ZFHX3: variants seen among roughly 807,000 people sequenced by gnomAD.
ZFHX3 encodes zinc finger homeobox 3, also known as zinc finger homeobox protein 3.
Under a neutral mutation model 279.1 loss-of-function variants are expected in ZFHX3, and 42 were observed. The observed-to-expected ratio is 0.15, with a 90% CI of 0.12 to 0.19. The LOEUF (loss-of-function observed/expected upper bound fraction) is 0.19. Among genes scored for constraint, ZFHX3 ranks in the 10% least tolerant of loss-of-function variants. The pLI, the probability that ZFHX3 is intolerant of heterozygous loss-of-function variation, is 1.00. For synonymous variants in ZFHX3, 2,293 were observed against 1,957.8 expected (o/e 1.17, Z -4.52); for missense variants, 4,981 against 4,754.0 (o/e 1.05, Z -1.40).
At chr16:73,166,344 GACAA>G (rs1243669465) in intron 5 of ZFHX3, among the ~76,000 whole-genome samples, 3 of 152,180 alleles carry the variant, frequency 2.0e-5, no homozygotes, top group Non-Finnish European at 2.9e-5. Flanking sequence ...GTCGGGTTTG[GACAA>G]ACAGAGACAA....
rs181577602 is a variant in ZFHX3, at chr16:72,947,788, G to A, written c.3216+2681C>T. Reference sequence around the variant, plus strand: ...TCCCCGGGTCAGCTGCATCTGGAGCGGTTTCTCTAGCAGACAGTAAAGAAC... The same window carrying A: ...TCCCCGGGTCAGCTGCATCTGGAGCAGTTTCTCTAGCAGACAGTAAAGAAC... On this transcript the variant is annotated intron_variant, in intron 3 of 9. Transcript: ENST00000268489. Among the ~76,000 whole-genome samples, 64 of 152,228 alleles carry A rather than the reference G, an allele frequency of 4.2e-4. 1 individual carries two copies. Among genetic ancestry groups the A allele is most frequent in the African/African-American group, 1.5e-3 (61 of 41,526 alleles).
chr16:72,888,938 A>G (rs1334533214), intron 4 of ZFHX3, among the ~76,000 whole-genome samples: 1 of 152,148 alleles, frequency 6.6e-6, no homozygotes, highest in Admixed American at 6.5e-5. Context: ...TTTGGTTTCT[A>G]AAGAGGTAAG....
At chr16:73,121,777 G>A (rs1247323566) in intron 7 of ZFHX3, among the ~76,000 whole-genome samples, 3 of 151,754 alleles carry the variant, frequency 2.0e-5, no homozygotes, top group African/African-American at 2.4e-5. Flanking sequence ...CACCACACCC[G>A]GCTAATTTTT....
At chr16:73,362,587 G>A (rs2016451406) in intron 3 of ZFHX3, among the ~76,000 whole-genome samples, 1 of 152,198 alleles carries the variant, frequency 6.6e-6, no homozygotes, top group Non-Finnish European at 1.5e-5. Flanking sequence ...GAAACATTCA[G>A]AACCACCGAT....
intron 4 of ZFHX3, among the ~76,000 whole-genome samples, chr16:72,850,027 GA>G (rs1179096307): frequency 1.3e-5 from 2 of 152,128 alleles, no homozygotes; most frequent in Admixed American, 6.5e-5. Flanking sequence ...GGGACTGTCA[GA>G]GCAAACAAGA....
chr16:72,930,567 T>G (rs185851975), intron 3 of ZFHX3, among the ~76,000 whole-genome samples: 10 of 152,264 alleles, frequency 6.6e-5, no homozygotes, highest in Non-Finnish European at 1.0e-4. Flanking sequence ...ATGGCAAGGA[T>G]GCTTCAGAAA....
At chr16:73,880,593 G>A (rs980412713) in intron 1 of ZFHX3, among the ~76,000 whole-genome samples, 2 of 152,148 alleles carry the variant, frequency 1.3e-5, no homozygotes, top group Non-Finnish European at 2.9e-5. Context: ...TTGTAGTGAA[G>A]TTCAGGCTTA....
At chr16:72,873,674 T>G (rs935839680) in intron 4 of ZFHX3, among the ~76,000 whole-genome samples, 3 of 152,196 alleles carry the variant, frequency 2.0e-5, no homozygotes, top group Non-Finnish European at 4.4e-5. Context: ...AAGTGCCTAT[T>G]GTCAAAAATC....
chr16:73,224,646 G>T lies in ZFHX3; in HGVS notation c.-1104+32401C>A, dbSNP rs150632746. 3.0e-4 allele frequency among the ~76,000 whole-genome samples: 45 copies of T among 152,328 alleles called. No homozygotes were observed. The East Asian group carries it at 8.1e-3, about 27-fold the overall frequency. ...AAAAGGACTCTATTATCTCCTGACAGATGAAATGCTATAGTAGCCATGTAG... is the reference window on the plus strand; with the variant it reads ...AAAAGGACTCTATTATCTCCTGACATATGAAATGCTATAGTAGCCATGTAG... On this transcript the variant is annotated intron_variant, in intron 5 of 17. Coordinates refer to the ZFHX3 transcript ENST00000641206.
At chr16:73,212,787 C>T (rs2012065664) in intron 5 of ZFHX3, among the ~76,000 whole-genome samples, 1 of 152,216 alleles carries the variant, frequency 6.6e-6, no homozygotes, top group South Asian at 2.1e-4. Flanking sequence ...CCTCTGCAGC[C>T]AGCCCAGCAG....
chr16:73,492,476 A>G, intron 2 of ZFHX3, among the ~76,000 whole-genome samples: 1 of 152,222 alleles, frequency 6.6e-6, no homozygotes, highest in East Asian at 1.9e-4. Flanking sequence ...CAACTTCCAC[A>G]TTGCCACCAG....
chr16:72,934,193 G>A (rs1426428786), intron 3 of ZFHX3, among the ~76,000 whole-genome samples: 1 of 152,190 alleles, frequency 6.6e-6, no homozygotes. Context: ...AGGAGGCTGA[G>A]GCAGGAGGAT....
At chr16:73,196,171 G>A (rs1172283082) in intron 5 of ZFHX3, among the ~76,000 whole-genome samples, 1 of 149,934 alleles carries the variant, frequency 6.7e-6, no homozygotes, top group African/African-American at 2.5e-5. Context: ...TTTTTGGAGG[G>A]GGGATGGGTG....
In ZFHX3 at chr16:73,329,239, C is replaced by T. The variant is rs190595132; in HGVS notation, c.-1290-10903G>A. On this transcript the variant is annotated intron_variant, in intron 3 of 17. Coordinates refer to the ZFHX3 transcript ENST00000641206. ...TCATTGTGGATTCCACAATTCATCA[C>T]GCTCTTGGCAAGTGGTGGTGCTCCA... Among the ~76,000 whole-genome samples the T allele has an allele frequency of 2.4e-4, 37 of 152,326 alleles. No individual in the cohort carries two copies. In the East Asian group the frequency reaches 5.4e-3, roughly 22 times the overall value.
At chr16:73,474,430 T>C (rs2004042) in intron 2 of ZFHX3, among the ~76,000 whole-genome samples, 74,449 of 152,032 alleles carry the variant, frequency 0.49, 19,295 homozygotes, top group East Asian at 0.76. Flanking sequence ...ATTACAGGCA[T>C]GAGCCACCGC....
Position 72,950,682 on chromosome 16 carries a change from C to T in ZFHX3, c.3003G>A (p.Leu1001=). ...YNTQLKANFQ[L]HCKTDKHVQK... is the part of the protein sequence containing the mutation. ...GCACGTGCTTGTCTGTCTTGCAGTG[C>T]AGCTGGAAGTTGGCCTTGAGCTGGG... Residue 1001 remains leucine (L), a synonymous_variant, in exon 3 of 10, where the codon CTG becomes CTA. Coordinates refer to ENST00000268489, the MANE Select transcript of ZFHX3 (RefSeq NM_006885.4). 1 of 1,614,244 alleles carries T rather than the reference C, an allele frequency of 6.2e-7. No homozygotes were observed. Among genetic ancestry groups the T allele is most frequent in the Non-Finnish European group, 8.5e-7 (1 of 1,180,036 alleles).
At chr16:73,381,287 T>A (rs2143368828) in intron 3 of ZFHX3, among the ~76,000 whole-genome samples, 1 of 152,344 alleles carries the variant, frequency 6.6e-6, no homozygotes, top group African/African-American at 2.4e-5. Context: ...AGTAACATTT[T>A]CATTATTTTT....
intron 1 of ZFHX3, among the ~76,000 whole-genome samples, chr16:73,867,020 C>G (rs1299894817): frequency 6.6e-6 from 1 of 152,040 alleles, no homozygotes; most frequent in Non-Finnish European, 1.5e-5. Context: ...TGTGCTTGGG[C>G]TGGGCTATGT....
At chr16:73,389,200 C>T (rs2016961217) in intron 3 of ZFHX3, 1 of 152,242 alleles carries the variant, frequency 6.6e-6, no homozygotes, top group African/African-American at 2.4e-5. Context: ...CACTATCACT[C>T]ATAAACTAAA....
Sources: gnomAD v4.1 joint callset for allele counts (sites outside exome capture counted in the v4.1 genomes callset) on GRCh38, gnomAD v4.1.1 for gene constraint, MANE v1.5 for transcripts, NCBI Gene and HGNC (gene_info 2026-07-23, HGNC 2026-07-21) for gene names.